The following CHRM3 variants were observed in gnomAD, a reference collection of about 807,000 sequenced individuals.
The protein encoded by CHRM3 is muscarinic acetylcholine receptor M3.
In CHRM3, 11 loss-of-function variants were observed where a neutral mutation model predicts 41.8. The observed-to-expected ratio is 0.26, with a 90% CI of 0.17 to 0.44. The LOEUF (loss-of-function observed/expected upper bound fraction) is 0.44, where lower values mean the gene tolerates loss of function less well. CHRM3 is among the 20% of genes least tolerant of loss of function. The probability of loss-of-function intolerance (pLI) is 1.00; values close to 1 mark genes in which losing one functional copy is unlikely to be tolerated. For missense variants in CHRM3, 571 were observed against 745.4 expected (o/e 0.77, Z 2.72); for synonymous variants, 297 against 301.4 (o/e 0.99, Z 0.15).
intron 4 of CHRM3, among the ~76,000 whole-genome samples, chr1:239,632,766 G>A (rs1669988021): frequency 6.6e-6 from 1 of 152,152 alleles, no homozygotes; most frequent in African/African-American, 2.4e-5. Flanking sequence ...CCTTAATAAT[G>A]TTTTATCTAT....
chr1:239,611,416 CTT>C (rs75352638), intron 3 of CHRM3, among the ~76,000 whole-genome samples: 423 of 96,190 alleles, frequency 4.4e-3, no homozygotes, highest in African/African-American at 0.017. Flanking sequence ...TTGCAAGTGA[CTT>C]TTTTTTTTTT....
At chr1:239,449,313 A>G (rs1664390869) in intron 1 of CHRM3, among the ~76,000 whole-genome samples, 1 of 152,206 alleles carries the variant, frequency 6.6e-6, no homozygotes, top group South Asian at 2.1e-4. Context: ...GTATTTAGTA[A>G]TGCAATAATC....
In CHRM3 at chr1:239,792,270, C is replaced by T. The variant is rs74408845; in HGVS notation, c.-146-34982C>T. ...TACTTATTATATGCCTGTCATTGCA[C>T]CAGACACCAGGGAGCAGTGATGGAC... On this transcript the variant is annotated intron_variant, in intron 5 of 6. Coordinates refer to ENST00000676153, the MANE Select transcript of CHRM3 (RefSeq NM_001375978.1). 0.012 allele frequency among the ~76,000 whole-genome samples: 1,869 copies of T among 152,222 alleles called. 73 individuals are homozygous for T. In the East Asian group the frequency reaches 0.15, roughly 12 times the overall value.
rs189603710 is a variant in CHRM3, at chr1:239,557,496, T to G, written c.-313+11747T>G. On this transcript the variant is annotated intron_variant, in intron 3 of 6. Coordinates refer to ENST00000676153, the MANE Select transcript of CHRM3 (RefSeq NM_001375978.1). ...AGACACTTATTTTATTTTATAAGTT[T>G]CAGGGTACATGTGCAGGATGTGCAG... Among the ~76,000 whole-genome samples, 25 of 152,314 alleles carry G rather than the reference T, an allele frequency of 1.6e-4. No individual in the cohort carries two copies. In the East Asian group the frequency reaches 4.6e-3, roughly 28 times the overall value.
At chr1:239,591,647 C>T (rs775600558) in intron 3 of CHRM3, among the ~76,000 whole-genome samples, 2 of 151,402 alleles carry the variant, frequency 1.3e-5, no homozygotes, top group Admixed American at 6.6e-5. Flanking sequence ...AACTAAGATT[C>T]GGAAATGGCA....
intron 5 of CHRM3, among the ~76,000 whole-genome samples, chr1:239,700,840 TTG>T (rs1660617164): frequency 6.6e-6 from 1 of 152,118 alleles, no homozygotes; most frequent in African/African-American, 2.4e-5. Context: ...AGTTTGTAAT[TTG>T]TGTGTGAAAG....
rs1485410362 is a variant in CHRM3 at position 239,591,514 on chromosome 1, T to G, written c.-312-40710T>G. ...CATCTTAACGTGCTAAAGCAATGACTGCAGCGGACTGCTTAGGAAGTGTTA... is the reference window on the plus strand; with the variant it reads ...CATCTTAACGTGCTAAAGCAATGACGGCAGCGGACTGCTTAGGAAGTGTTA... On this transcript the variant is annotated intron_variant, in intron 3 of 6. Coordinates refer to ENST00000676153, the MANE Select transcript of CHRM3 (RefSeq NM_001375978.1). Among the ~76,000 whole-genome samples the G allele has an allele frequency of 2.6e-5, 4 of 152,074 alleles. No individual in the cohort carries two copies. In the East Asian group the frequency reaches 7.7e-4, roughly 29 times the overall value.
intron 3 of CHRM3, among the ~76,000 whole-genome samples, chr1:239,586,112 G>A (rs1236148880): frequency 1.3e-5 from 2 of 152,180 alleles, no homozygotes; most frequent in African/African-American, 2.4e-5. Context: ...TCCCGTGGGA[G>A]GCAGACAGGC....
At chr1:239,867,757 A>G (rs1472000176) in intron 6 of CHRM3, among the ~76,000 whole-genome samples, 1 of 151,772 alleles carries the variant, frequency 6.6e-6, no homozygotes, top group Non-Finnish European at 1.5e-5. Context: ...AGAAAAATAC[A>G]AGGTATTCTT....
At chr1:239,448,143 G>C (rs762310710) in intron 1 of CHRM3, among the ~76,000 whole-genome samples, 6 of 152,162 alleles carry the variant, frequency 3.9e-5, no homozygotes, top group Non-Finnish European at 8.8e-5. Context: ...AATGATTTGA[G>C]GGGATTAAAT....
chr1:239,526,806 T>G (rs903510812), intron 2 of CHRM3, among the ~76,000 whole-genome samples: 1 of 152,146 alleles, frequency 6.6e-6, no homozygotes, highest in African/African-American at 2.4e-5. Context: ...TAACTTTCAT[T>G]GCAACCTTTT....
intron 3 of CHRM3, among the ~76,000 whole-genome samples, chr1:239,613,375 C>A (rs1245537386): frequency 6.6e-6 from 1 of 152,144 alleles, no homozygotes; most frequent in African/African-American, 2.4e-5. Flanking sequence ...TATGTGATTT[C>A]TTTAAAGAAA....
intron 3 of CHRM3, among the ~76,000 whole-genome samples, chr1:239,570,063 T>C (rs1199149222): frequency 1.3e-5 from 2 of 152,102 alleles, no homozygotes; most frequent in African/African-American, 2.4e-5. Flanking sequence ...GGTTTGGCTC[T>C]TTGTCCCCAC....
chr1:239,812,882 G>C (rs1406952284), intron 5 of CHRM3, among the ~76,000 whole-genome samples: 1 of 152,204 alleles, frequency 6.6e-6, no homozygotes, highest in Admixed American at 6.5e-5. Flanking sequence ...GTTGGAGTCT[G>C]CCCTCCAATG....
chr1:239,507,483 C>A (rs1480687990), intron 2 of CHRM3, among the ~76,000 whole-genome samples: 1 of 152,176 alleles, frequency 6.6e-6, no homozygotes, highest in East Asian at 1.9e-4. Flanking sequence ...AACTGTAAGT[C>A]CAATAAACTT....
At chr1:239,530,695 A>G (rs1442525954) in intron 2 of CHRM3, among the ~76,000 whole-genome samples, 1 of 152,218 alleles carries the variant, frequency 6.6e-6, no homozygotes, top group African/African-American at 2.4e-5. Flanking sequence ...GTAAAATAAC[A>G]AAATGAAAAC....
intron 5 of CHRM3, among the ~76,000 whole-genome samples, chr1:239,762,114 T>C (rs1666839949): frequency 6.6e-6 from 1 of 152,266 alleles, no homozygotes; most frequent in Non-Finnish European, 1.5e-5. Flanking sequence ...TCCAGTTTTG[T>C]AGTTGAGGCA....
At chr1:239,589,692 C>G (rs922537213) in intron 3 of CHRM3, among the ~76,000 whole-genome samples, 9 of 141,142 alleles carry the variant, frequency 6.4e-5, no homozygotes, top group African/African-American at 2.3e-4. Context: ...TTTCCATGCA[C>G]TAATATGTGA....
intron 4 of CHRM3, among the ~76,000 whole-genome samples, chr1:239,643,806 G>A (rs561967420): frequency 6.6e-6 from 1 of 152,274 alleles, no homozygotes; most frequent in South Asian, 2.1e-4. Flanking sequence ...GCACTCCCTA[G>A]TGAGATGAAC....
Sources: gnomAD v4.1 joint callset for allele counts (sites outside exome capture counted in the v4.1 genomes callset) on GRCh38, gnomAD v4.1.1 for gene constraint, MANE v1.5 for transcripts, NCBI Gene and HGNC (gene_info 2026-07-23, HGNC 2026-07-21) for gene names.